The following ANKRD17 variants were observed in gnomAD, a reference collection of about 807,000 sequenced individuals.
ANKRD17 encodes ankyrin repeat domain 17, also known as ankyrin repeat domain-containing protein 17.
Under a neutral mutation model 229.7 loss-of-function variants are expected in ANKRD17, and 19 were observed. The observed-to-expected ratio is 0.08, with a 90% CI of 0.06 to 0.12. The LOEUF (loss-of-function observed/expected upper bound fraction) is 0.12, where lower values mean the gene tolerates loss of function less well. Ranked by LOEUF, ANKRD17 falls within the 10% of genes least tolerant of loss-of-function variation. The pLI, the probability that ANKRD17 is intolerant of heterozygous loss-of-function variation, is 1.00. For missense variants in ANKRD17, 2,176 were observed against 3,176.8 expected (o/e 0.68, Z 7.57); for synonymous variants, 1,112 against 1,146.1 (o/e 0.97, Z 0.60).
intron 21 of ANKRD17, 106 bp downstream of exon 21, chr4:73,120,053 AAAG>A (rs1481361868): frequency 6.5e-6 from 8 of 1,237,558 alleles, no homozygotes; most frequent in Non-Finnish European, 9.3e-6. Context: ...CTTGTTTATA[AAAG>A]AAGAAATAAT....
intron 3 of ANKRD17, among the ~76,000 whole-genome samples, chr4:73,158,557 G>A (rs972267840): frequency 1.1e-4 from 15 of 130,540 alleles, no homozygotes; most frequent in Non-Finnish European, 1.6e-4. Context: ...CTCTGACCAC[G>A]CTATTAAAAA....
chr4:73,127,809 T>C (rs562978639), intron 16 of ANKRD17, among the ~76,000 whole-genome samples: 2 of 152,304 alleles, frequency 1.3e-5, no homozygotes, highest in South Asian at 2.1e-4. Context: ...ATAATAATTA[T>C]AAAAAGGAAA....
intron 1 of ANKRD17, among the ~76,000 whole-genome samples, chr4:73,246,205 C>A (rs1350978332): frequency 6.6e-6 from 1 of 152,142 alleles, no homozygotes; most frequent in African/African-American, 2.4e-5. Flanking sequence ...GCAAAGTTGT[C>A]ACAACTCCTC....
intron 5 of ANKRD17, 99 bp downstream of exon 5, chr4:73,155,530 AAG>A (rs1224050496): frequency 7.6e-7 from 1 of 1,319,544 alleles, no homozygotes; most frequent in Non-Finnish European, 1.1e-6. Context: ...CACTTCTAAT[AAG>A]AGAACTGAAA....
intron 8 of ANKRD17, among the ~76,000 whole-genome samples, chr4:73,147,919 C>T (rs1472364316): frequency 2.0e-5 from 3 of 152,106 alleles, no homozygotes; most frequent in South Asian, 2.1e-4. Flanking sequence ...AAGGTCACAA[C>T]ATTATTGTCA....
chr4:73,138,755 C>T (rs1729229933), intron 15 of ANKRD17, among the ~76,000 whole-genome samples: 1 of 151,998 alleles, frequency 6.6e-6, no homozygotes, highest in African/African-American at 2.4e-5. Context: ...CCCTATAAAA[C>T]CTCATCCCAT....
At chr4:73,080,271 G>T (rs1239677913) in intron 30 of ANKRD17, among the ~76,000 whole-genome samples, 2 of 152,016 alleles carry the variant, frequency 1.3e-5, no homozygotes, top group African/African-American at 4.8e-5. Context: ...AAAAGAGAAA[G>T]ACCTATAGCA....
Position 73,098,356 on chromosome 4 carries a change from T to C in ANKRD17, c.4738A>G (p.Asn1580Asp), listed in dbSNP as rs767354532. 6.2e-7 allele frequency: 1 copy of C among 1,614,218 alleles called. No individual in the cohort carries two copies. Reference protein sequence around the residue: ...KNRKNKITPENVQIIFDDPLP... With the variant: ...KNRKNKITPEDVQIIFDDPLP... Reference sequence around the variant, plus strand: ...GGATCATCAAATATAATTTGAACGTTTTCTGGAGTAATTTTATTTTTCCTG... The same window carrying C: ...GGATCATCAAATATAATTTGAACGTCTTCTGGAGTAATTTTATTTTTCCTG... Residue 1580 changes from asparagine to aspartate, a missense_variant, in exon 26 of 34, where the codon AAC (asparagine) becomes GAC (aspartate). By Grantham distance (23) the Asn-to-Asp change is conservative. Coordinates refer to ENST00000358602, the MANE Select transcript of ANKRD17 (RefSeq NM_032217.5).
At position 73,113,356 on chromosome 4, in the gene ANKRD17, A is replaced by G. The variant is rs1390476407; in HGVS notation, c.4401+436T>C. 2.3e-6 allele frequency: 3 copies of G among 1,289,482 alleles called. No individual in the cohort carries two copies. In the South Asian group the frequency reaches 3.7e-5, roughly 16 times the overall value. The allele number at this position is 1,289,482 out of a possible 1,614,324, so 79.9% of individuals were successfully genotyped here. ...GAGAAGTCACCCATTTAAAAAGTGT[A>G]CTCATTTGACATTCCAAGATTTGTA... On this transcript the variant is annotated intron_variant, in intron 24 of 33. Transcript: ENST00000358602.
intron 1 of ANKRD17, among the ~76,000 whole-genome samples, chr4:73,229,704 A>G (rs1742866437): frequency 6.6e-6 from 1 of 151,774 alleles, no homozygotes; most frequent in Non-Finnish European, 1.5e-5. Context: ...CCAATGATCT[A>G]CCCTTTAAAA....
rs774840532 is a variant in ANKRD17 at position 73,085,256 on chromosome 4, T to C, written c.7152A>G (p.Ala2384=). Residue 2384 remains alanine, a synonymous_variant, in exon 30 of 34, where the codon GCA becomes GCG. Transcript: ENST00000358602. ...ACGGTGTATAAAACTCACCATTTGA[T>C]GCTGATGAACACGGAGTCAACAAAC... The part of the protein sequence containing the change: ...PLSLLTPCSS[A]SNDSSAQSVS... 24 of 1,614,010 alleles carry C rather than the reference T, an allele frequency of 1.5e-5. No individual in the cohort carries two copies. Among genetic ancestry groups the C allele is most frequent in the Non-Finnish European group, 2.0e-5 (24 of 1,179,986 alleles).
chr4:73,211,175 T>C (rs906615078), intron 1 of ANKRD17, among the ~76,000 whole-genome samples: 2 of 152,060 alleles, frequency 1.3e-5, no homozygotes, highest in African/African-American at 4.8e-5. Flanking sequence ...ACATTACTTT[T>C]ACAGAGCAGA....
At chr4:73,205,795 G>C (rs915640421) in intron 1 of ANKRD17, among the ~76,000 whole-genome samples, 1 of 152,204 alleles carries the variant, frequency 6.6e-6, no homozygotes, top group African/African-American at 2.4e-5. Context: ...TCAACAGAGT[G>C]AGGAGATAAA....
At chr4:73,107,155 G>T (rs1187252981) in intron 24 of ANKRD17, among the ~76,000 whole-genome samples, 1 of 151,686 alleles carries the variant, frequency 6.6e-6, no homozygotes, top group Non-Finnish European at 1.5e-5. Context: ...TATATAGAGG[G>T]TCTAATATGT....
At chr4:73,097,318 G>A (rs748503824) in intron 26 of ANKRD17, 46 bp from the exon 27 acceptor site, 1 of 1,462,814 alleles carries the variant, frequency 6.8e-7, no homozygotes, top group South Asian at 1.5e-5. Context: ...AACAGATGTA[G>A]AATTTTTAAA....
At chr4:73,188,158 G>A (rs1310910404) in intron 1 of ANKRD17, among the ~76,000 whole-genome samples, 4 of 151,560 alleles carry the variant, frequency 2.6e-5, no homozygotes, top group Non-Finnish European at 5.9e-5. Context: ...TTAGCTATAA[G>A]ATGACGACAC....
chr4:73,147,094 C>T (rs927744221), intron 9 of ANKRD17, 147 bp downstream of exon 9: 14 of 835,498 alleles, frequency 1.7e-5, no homozygotes, highest in Non-Finnish European at 2.3e-5. Flanking sequence ...GTAAGGTAAA[C>T]TGTTCAGAAT....
chr4:73,096,655 T>C (rs918036059), intron 27 of ANKRD17, among the ~76,000 whole-genome samples: 11 of 152,220 alleles, frequency 7.2e-5, no homozygotes, highest in Admixed American at 3.9e-4. Flanking sequence ...TTCTGAGATA[T>C]TGTATTTTTA....
At chr4:73,179,484 G>GTA (rs1287512668) in intron 1 of ANKRD17, among the ~76,000 whole-genome samples, 42 of 65,644 alleles carry the variant, frequency 6.4e-4, no homozygotes, top group Admixed American at 1.2e-3. Flanking sequence ...GTGTGTGTGT[G>GTA]TGTGTATATA....
Sources: gnomAD v4.1 joint callset for allele counts (sites outside exome capture counted in the v4.1 genomes callset) on GRCh38, gnomAD v4.1.1 for gene constraint, MANE v1.5 for transcripts, NCBI Gene and HGNC (gene_info 2026-07-23, HGNC 2026-07-21) for gene names.